HLCS: variants seen among roughly 807,000 people sequenced by gnomAD.
HLCS encodes the protein holocarboxylase synthetase, also known as biotin--protein ligase.
Under a neutral mutation model 75.0 loss-of-function variants are expected in HLCS, and 53 were observed. That is an observed-to-expected ratio of 0.71 (90% CI 0.57 to 0.89). The LOEUF (loss-of-function observed/expected upper bound fraction) is 0.89. HLCS is among the 40% of genes least tolerant of loss of function. The pLI is 0.00. For missense variants in HLCS, 966 were observed against 1,074.0 expected, an observed-to-expected ratio of 0.90 and a Z score of 1.41; for synonymous variants, 431 against 428.6, an observed-to-expected ratio of 1.01 and a Z score of -0.07.
At chr21:36,934,633 G>A (rs575675544) in intron 4 of HLCS, among the ~76,000 whole-genome samples, 6 of 152,080 alleles carry the variant, frequency 3.9e-5, no homozygotes, top group Non-Finnish European at 8.8e-5. Flanking sequence ...AATGGCAAAG[G>A]CATCAAATCT....
intron 6 of HLCS, among the ~76,000 whole-genome samples, chr21:36,877,575 T>C (rs2064033923): frequency 6.6e-6 from 1 of 152,214 alleles, no homozygotes; most frequent in South Asian, 2.1e-4. Context: ...ATATGTATTC[T>C]ACCAATGAAT....
intron 6 of HLCS, among the ~76,000 whole-genome samples, chr21:36,769,538 G>C (rs1015094547): frequency 6.6e-6 from 1 of 152,202 alleles, no homozygotes; most frequent in Non-Finnish European, 1.5e-5. Context: ...TTACCTCCCT[G>C]CTTCTGTATA....
At chr21:36,772,873 C>T (rs1360973221) in intron 6 of HLCS, among the ~76,000 whole-genome samples, 3 of 150,154 alleles carry the variant, frequency 2.0e-5, no homozygotes, top group South Asian at 2.1e-4. Context: ...CCCAGCTACT[C>T]GAGAGGCTGA....
chr21:36,947,800 G>A (rs2067476254), intron 2 of HLCS: 1 of 985,330 alleles, frequency 1.0e-6, no homozygotes, highest in Admixed American at 6.1e-5. Flanking sequence ...AGGGGGCATT[G>A]GCAGGCAGCA....
chr21:36,756,521 T>C, intron 10 of HLCS, 21 bp downstream of exon 10: 1 of 1,404,298 alleles, frequency 7.1e-7, no homozygotes, highest in South Asian at 1.1e-5. Context: ...TTGAAAAGAA[T>C]GAAGATGAGC....
chr21:36,960,543 A>C (rs1358868842), intron 2 of HLCS, among the ~76,000 whole-genome samples: 1 of 152,134 alleles, frequency 6.6e-6, no homozygotes, highest in Non-Finnish European at 1.5e-5. Flanking sequence ...CCCCATCAGA[A>C]AGTCTCTCGC....
chr21:36,939,122 T>G, intron 2 of HLCS, 128 bp from the exon 3 acceptor site: 1 of 772,044 alleles, frequency 1.3e-6, no homozygotes. Flanking sequence ...AATAACAAAT[T>G]ACTGGATATT....
At chr21:36,853,088 T>C (rs2063068238) in intron 6 of HLCS, among the ~76,000 whole-genome samples, 1 of 152,172 alleles carries the variant, frequency 6.6e-6, no homozygotes, top group Non-Finnish European at 1.5e-5. Context: ...ATTCTCATGA[T>C]GAATAGGATT....
chr21:36,897,892 G>A (rs1345046834), intron 5 of HLCS, among the ~76,000 whole-genome samples: 2 of 152,098 alleles, frequency 1.3e-5, no homozygotes, highest in Admixed American at 6.6e-5. Context: ...GGTTTATCAG[G>A]AACTGAGGGC....
chr21:36,796,536 G>A (rs1330500351), intron 6 of HLCS, among the ~76,000 whole-genome samples: 2 of 152,114 alleles, frequency 1.3e-5, no homozygotes, highest in Admixed American at 6.5e-5. Flanking sequence ...CAGGGCCCAC[G>A]AGAGCTGTGA....
upstream of HLCS, chr21:36,966,733 C>T (rs953365814): frequency 8.4e-6 from 4 of 475,680 alleles, no homozygotes; most frequent in South Asian, 9.1e-5. Context: ...GCCGCCCCCC[C>T]GGGCCAGGCG....
rs2067446434 is a variant in HLCS, at chr21:36,947,224, A to G, written c.331-8230T>C. 2.9e-5 allele frequency: 12 copies of G among 420,184 alleles called. No individual in the cohort carries two copies. The South Asian group carries it at 9.0e-4, about 32-fold the overall frequency. 26.0% of individuals were successfully genotyped at this position (420,184 alleles called of 1,614,324 possible). On this transcript the variant is annotated intron_variant, in intron 2 of 10. Transcript: ENST00000674895. ...ATGAAATTCCCACACACCTCTGAAGAGGAATGAGGCAGGAGATAAACAAAG... is the reference window on the plus strand; with the variant it reads ...ATGAAATTCCCACACACCTCTGAAGGGGAATGAGGCAGGAGATAAACAAAG...
intron 6 of HLCS, among the ~76,000 whole-genome samples, chr21:36,853,524 T>C (rs1218472083): frequency 1.3e-5 from 2 of 152,216 alleles, no homozygotes; most frequent in African/African-American, 4.8e-5. Context: ...ATTGATGAGG[T>C]AGTATTAAAA....
intron 6 of HLCS, among the ~76,000 whole-genome samples, chr21:36,853,951 T>C (rs929343568): frequency 3.9e-5 from 6 of 152,202 alleles, no homozygotes; most frequent in African/African-American, 7.2e-5. Flanking sequence ...AAAAGACTTT[T>C]CAAGCATAAA....
At chr21:36,974,003 T>C (rs117693509) in intron 1 of HLCS, 2 of 86,370 alleles carry the variant, frequency 2.3e-5, no homozygotes, top group Non-Finnish European at 5.5e-5. Flanking sequence ...AATAAATAAA[T>C]AAATAAACAA....
rs371624731 is a variant in HLCS at position 36,896,957 on chromosome 21, T to A, written c.1795A>T (p.Asn599Tyr). 6.2e-7 allele frequency: 1 copy of A among 1,613,982 alleles called. No homozygotes were observed. Among genetic ancestry groups the A allele is most frequent in the Non-Finnish European group, 8.5e-7 (1 of 1,180,018 alleles). Residue 599 changes from asparagine (N) to tyrosine (Y), a missense_variant, in exon 6 of 11, where the codon AAC becomes TAC. Coordinates refer to ENST00000674895, the MANE Select transcript of HLCS (RefSeq NM_001352514.2). The stretch of plus-strand genomic sequence containing the variant: ...AGATTTTGGCGATAGATCTCTAAGT[T>A]GAAATGTTCTGATGAGAAGGCCTCC... ...NMEAFSSEHF[N>Y]LEIYRQNLQT...
At position 36,842,574 on chromosome 21, in the gene HLCS, T is replaced by C. The variant is rs1210935734; in HGVS notation, c.1892+54286A>G. Among the ~76,000 whole-genome samples the C allele has an allele frequency of 1.3e-5, 2 of 151,994 alleles. No individual in the cohort carries two copies. Among genetic ancestry groups the C allele is most frequent in the Non-Finnish European group, 2.9e-5 (2 of 67,988 alleles). On this transcript the variant is annotated intron_variant, in intron 6 of 10. Transcript: ENST00000674895. This position sits in a 1 kb window ranked among gnomAD's most constrained non-coding sequence, Gnocchi z 4.2. ...GGCCAACAATGCAAAACCTCATTTC[T>C]ACTAAAAATACAAAAGAAGTTGGCT...
At position 36,936,442 on chromosome 21, in the gene HLCS, T is replaced by C. The variant is rs1240794985; in HGVS notation, c.1437+7A>G. On this transcript the variant is annotated splice_region_variant and intron_variant, in intron 4 of 10. Coordinates refer to ENST00000674895, the MANE Select transcript of HLCS (RefSeq NM_001352514.2). ...AAAGATCACCAAATCCATGCTGCCC[T>C]GAGTACCTGGCAAAGAACAGCTTCT... is the stretch of plus-strand genomic sequence containing the variant. The C allele has an allele frequency of 4.3e-6, 7 of 1,609,512 alleles. No individual in the cohort carries two copies.
chr21:36,802,137 C>G (rs2061223459), intron 6 of HLCS, among the ~76,000 whole-genome samples: 1 of 152,096 alleles, frequency 6.6e-6, no homozygotes, highest in South Asian at 2.1e-4. Flanking sequence ...CTGCAGTGGC[C>G]CAAGTCCAGG....
Sources: gnomAD v4.1 joint callset for allele counts (sites outside exome capture counted in the v4.1 genomes callset) on GRCh38, gnomAD v4.1.1 for gene constraint, Gnocchi (gnomAD v3.1) non-coding constraint, MANE v1.5 for transcripts, NCBI Gene and HGNC (gene_info 2026-07-23, HGNC 2026-07-21) for gene names.